Variants in SLC44A5 observed in about 807,000 individuals in gnomAD.
The protein encoded by SLC44A5 is solute carrier family 44 member 5.
In SLC44A5, 57 loss-of-function variants were observed where a neutral mutation model predicts 101.8. That is an observed-to-expected ratio of 0.56 (90% CI 0.45 to 0.70). The LOEUF is 0.70. Ranked by LOEUF, SLC44A5 falls within the 30% of genes least tolerant of loss-of-function variation. The probability of loss-of-function intolerance (pLI) is 0.00; values close to 1 mark genes in which losing one functional copy is unlikely to be tolerated. For missense variants in SLC44A5, 737 were observed against 853.1 expected, an observed-to-expected ratio of 0.86 and a Z score of 1.70; for synonymous variants, 281 against 290.9, an observed-to-expected ratio of 0.97 and a Z score of 0.35.
At chr1:75,717,885 G>T in the SLC44A5 span, among the ~76,000 whole-genome samples, 1 of 152,212 alleles carries the variant, frequency 6.6e-6, no homozygotes, top group African/African-American at 2.4e-5. Context: ...AATCGTAAAA[G>T]AGAAAGCTGA....
chr1:75,319,371 T>C (rs1570663681), intron 4 of SLC44A5, among the ~76,000 whole-genome samples: 2 of 152,202 alleles, frequency 1.3e-5, no homozygotes, highest in South Asian at 4.1e-4. Flanking sequence ...TTGAATTTGT[T>C]ATAAAACTTT....
At chr1:75,641,731 T>C in the SLC44A5 span, 16 of 1,571,464 alleles carry the variant, frequency 1.0e-5, no homozygotes, top group Middle Eastern at 3.3e-4. Context: ...TGATTACAAA[T>C]GGATTCCTGA....
At chr1:75,679,839 C>A in the SLC44A5 span, among the ~76,000 whole-genome samples, 5 of 152,054 alleles carry the variant, frequency 3.3e-5, no homozygotes, top group Admixed American at 3.3e-4. Context: ...AGAGTCAAGA[C>A]CCATCAGTGT....
chr1:75,531,060 G>A (rs1338967410), intron 2 of SLC44A5, among the ~76,000 whole-genome samples: 1 of 152,150 alleles, frequency 6.6e-6, no homozygotes, highest in Admixed American at 6.5e-5. Context: ...GCTTTATCAA[G>A]ATGCGCTCCA....
intron 4 of SLC44A5, among the ~76,000 whole-genome samples, chr1:75,304,647 T>C (rs1365130115): frequency 6.6e-6 from 1 of 152,204 alleles, no homozygotes; most frequent in Non-Finnish European, 1.5e-5. Flanking sequence ...ATTGGGATAG[T>C]TCTCAGAACT....
chr1:75,479,043 G>C (rs368597789), intron 2 of SLC44A5, among the ~76,000 whole-genome samples: 130 of 152,146 alleles, frequency 8.5e-4, no homozygotes, highest in Non-Finnish European at 1.3e-3. Context: ...GAAATTATAA[G>C]AAACTATCTC....
chr1:75,405,893 A>AC (rs1199996693), intron 2 of SLC44A5, among the ~76,000 whole-genome samples: 14 of 135,420 alleles, frequency 1.0e-4, no homozygotes, highest in African/African-American at 4.0e-4. Flanking sequence ...AAAAAAAAAA[A>AC]AAACCCTTTA....
the SLC44A5 span, among the ~76,000 whole-genome samples, chr1:75,703,358 T>G: frequency 1.1e-4 from 16 of 152,220 alleles, no homozygotes; most frequent in Non-Finnish European, 1.6e-4. Context: ...ATGTCCTTTG[T>G]ACGGACACGG....
At chr1:75,212,731 C>T (rs1347914845) in intron 22 of SLC44A5, among the ~76,000 whole-genome samples, 1 of 152,152 alleles carries the variant, frequency 6.6e-6, no homozygotes, top group Non-Finnish European at 1.5e-5. Flanking sequence ...AGCTCAGGCA[C>T]TCAACAAGTG....
intron 3 of SLC44A5, among the ~76,000 whole-genome samples, chr1:75,390,015 G>T (rs1450318035): frequency 6.6e-6 from 1 of 152,010 alleles, no homozygotes; most frequent in Non-Finnish European, 1.5e-5. Context: ...AAATACAAAA[G>T]ATCCTCAGAG....
At chr1:75,383,617 G>C (rs1661070259) in intron 3 of SLC44A5, among the ~76,000 whole-genome samples, 1 of 152,170 alleles carries the variant, frequency 6.6e-6, no homozygotes, top group African/African-American at 2.4e-5. Context: ...ATGGAACCAA[G>C]TTGGAAAATA....
chr1:75,517,616 A>G (rs1476530759), intron 2 of SLC44A5, among the ~76,000 whole-genome samples: 2 of 152,222 alleles, frequency 1.3e-5, no homozygotes, highest in Admixed American at 1.3e-4. Flanking sequence ...ACAGCTGACA[A>G]TAAGATCTGA....
intron 5 of SLC44A5, among the ~76,000 whole-genome samples, chr1:75,291,730 G>A (rs768620559): frequency 6.6e-6 from 1 of 152,088 alleles, no homozygotes; most frequent in Admixed American, 6.5e-5. Context: ...AAGCAGGGTA[G>A]GCCGGGCACG....
At chr1:75,390,347 C>A (rs1429264834) in intron 3 of SLC44A5, among the ~76,000 whole-genome samples, 1 of 143,348 alleles carries the variant, frequency 7.0e-6, no homozygotes, top group Non-Finnish European at 1.5e-5. Flanking sequence ...CTGGCAAAGA[C>A]ACAAGAAACA....
the SLC44A5 span, among the ~76,000 whole-genome samples, chr1:75,632,311 T>G: frequency 5.8e-5 from 8 of 137,750 alleles, no homozygotes; most frequent in African/African-American, 1.9e-4. Context: ...CAATAAATAT[T>G]GAAACAAATG....
intron 1 of SLC44A5, among the ~76,000 whole-genome samples, chr1:75,565,975 A>G (rs1392265344): frequency 6.6e-6 from 1 of 152,210 alleles, no homozygotes; most frequent in East Asian, 1.9e-4. Flanking sequence ...TATTATTCAA[A>G]TGTTAAAAAA....
At chr1:75,534,702 C>G (rs1017084860) in intron 2 of SLC44A5, among the ~76,000 whole-genome samples, 3 of 152,158 alleles carry the variant, frequency 2.0e-5, no homozygotes, top group African/African-American at 7.2e-5. Context: ...AAATCCAGTC[C>G]TGAAATAACT....
intron 4 of SLC44A5, among the ~76,000 whole-genome samples, chr1:75,314,224 G>T (rs1655524568): frequency 1.3e-5 from 2 of 152,108 alleles, no homozygotes; most frequent in African/African-American, 4.8e-5. Flanking sequence ...CCACTTAACA[G>T]ACTCATGCAT....
At chr1:75,621,941 C>T in the SLC44A5 span, among the ~76,000 whole-genome samples, 1 of 152,030 alleles carries the variant, frequency 6.6e-6, no homozygotes, top group Non-Finnish European at 1.5e-5. Context: ...GGCTTCCTAC[C>T]CCATGCCACA....
Sources: allele counts gnomAD v4.1 joint callset (sites outside exome capture counted in the v4.1 genomes callset), GRCh38; gene constraint gnomAD v4.1.1; transcripts MANE v1.5; gene names NCBI Gene and HGNC (gene_info 2026-07-23, HGNC 2026-07-21).